The following DOCK3 variants were observed in gnomAD, a reference collection of about 807,000 sequenced individuals.
The protein encoded by DOCK3 is dedicator of cytokinesis 3.
Under a neutral mutation model 265.6 loss-of-function variants are expected in DOCK3, and 60 were observed. That is an observed-to-expected ratio of 0.23 (90% CI 0.18 to 0.28). DOCK3 has a LOEUF of 0.28. Ranked by LOEUF, DOCK3 falls within the 10% of genes least tolerant of loss-of-function variation. The pLI is 1.00. For missense variants in DOCK3, 1,981 were observed against 2,594.3 expected (o/e 0.76, Z 5.14); for synonymous variants, 881 against 938.0 (o/e 0.94, Z 1.11).
At chr3:51,028,776 CT>C (rs1235416241) in intron 5 of DOCK3, among the ~76,000 whole-genome samples, 1 of 151,958 alleles carries the variant, frequency 6.6e-6, no homozygotes, top group African/African-American at 2.4e-5. Flanking sequence ...CTGTTTGGTT[CT>C]TTTTTTAATA....
chr3:51,329,238 G>A (rs2084357832), intron 32 of DOCK3, among the ~76,000 whole-genome samples: 1 of 152,266 alleles, frequency 6.6e-6, no homozygotes, highest in African/African-American at 2.4e-5. Context: ...TGAATCCAGT[G>A]AGACCTATTA....
rs767210230 is a variant in DOCK3, at chr3:51,341,293, C to T, written c.3823C>T (p.Leu1275=). 8 of 1,611,820 alleles carry T rather than the reference C, an allele frequency of 5.0e-6. No individual in the cohort carries two copies. The highest frequency in any genetic ancestry group is 5.9e-6 in the Non-Finnish European group (7 of 1,178,740). Residue 1275 remains leucine (L), a synonymous_variant, in exon 38 of 53, where the codon CTA becomes TTA. Transcript: ENST00000266037. The part of the protein sequence containing the change: ...CELLQWEDRP[L]REFLHYPSQT... ...GCTGCTGCAGTGGGAGGACCGGCCACTACGGGAATTCCTCCACTACCCATC... is the reference window on the plus strand; with the variant it reads ...GCTGCTGCAGTGGGAGGACCGGCCATTACGGGAATTCCTCCACTACCCATC...
At chr3:51,087,300 A>T (rs567374428) in intron 7 of DOCK3, among the ~76,000 whole-genome samples, 4 of 152,232 alleles carry the variant, frequency 2.6e-5, no homozygotes, top group Non-Finnish European at 5.9e-5. Context: ...ATCAAATGGA[A>T]TTTATCCCAG....
intron 21 of DOCK3, among the ~76,000 whole-genome samples, chr3:51,240,910 G>A (rs1021090659): frequency 3.9e-5 from 6 of 152,030 alleles, no homozygotes; most frequent in African/African-American, 1.4e-4. Context: ...CTTTTAATTG[G>A]GAAATTTTAT....
chr3:50,861,179 C>T (rs573647779), intron 3 of DOCK3, among the ~76,000 whole-genome samples: 235 of 152,054 alleles, frequency 1.5e-3, no homozygotes, highest in Admixed American at 4.1e-3. Flanking sequence ...CCAGGTGGGT[C>T]GTTGTCCTGT....
At chr3:51,174,548 T>G (rs1410163094) in intron 12 of DOCK3, among the ~76,000 whole-genome samples, 3 of 152,190 alleles carry the variant, frequency 2.0e-5, no homozygotes, top group Admixed American at 2.0e-4. Flanking sequence ...TTTAGTTATC[T>G]ATCTGTTCTC....
At chr3:51,348,701 C>T in intron 38 of DOCK3, 151 bp from the exon 39 acceptor site, 1 of 714,302 alleles carries the variant, frequency 1.4e-6, no homozygotes, top group Non-Finnish European at 2.4e-6. Flanking sequence ...GTGTCATGCC[C>T]CCCAAATTGG....
rs1205833394 is a variant in DOCK3, at chr3:51,249,197, G to C, written c.2184+2390G>C. Among the ~76,000 whole-genome samples, 4 of 134,130 alleles carry C rather than the reference G, an allele frequency of 3.0e-5. No homozygotes were observed. The East Asian group carries it at 9.8e-4, about 33-fold the overall frequency. The allele number at this position is 134,130 out of a possible 152,430, so 88.0% of individuals were successfully genotyped here. ...GGCCAGCTGCCCCATCCGGCAGGGA[G>C]GTGGGGGGGTCAGCCCCCCGCCCGG... On this transcript the variant is annotated intron_variant, in intron 22 of 52. Coordinates refer to ENST00000266037, the MANE Select transcript of DOCK3 (RefSeq NM_004947.5).
Position 50,966,830 on chromosome 3 carries a change from C to A in DOCK3, c.315+32753C>A, listed in dbSNP as rs528161851. 7.2e-5 allele frequency among the ~76,000 whole-genome samples: 11 copies of A among 152,014 alleles called. No homozygotes were observed. In the South Asian group the frequency reaches 2.3e-3, roughly 32 times the overall value. On this transcript the variant is annotated intron_variant, in intron 5 of 52. Coordinates refer to ENST00000266037, the MANE Select transcript of DOCK3 (RefSeq NM_004947.5). ...ACTTGCCTGAAGGAAAGGGTACAAG[C>A]CCAGGTTGGAAACAACACAACAAAA...
At chr3:51,291,463 A>G (rs2081768458) in intron 27 of DOCK3, among the ~76,000 whole-genome samples, 2 of 152,214 alleles carry the variant, frequency 1.3e-5, no homozygotes, top group Admixed American at 6.5e-5. Flanking sequence ...AGAGACTGCT[A>G]CAAATAATTA....
rs574684950 is a variant in DOCK3 at position 50,926,644 on chromosome 3, G to A, written c.219-7337G>A. Among the ~76,000 whole-genome samples the A allele has an allele frequency of 3.9e-5, 6 of 152,314 alleles. No individual in the cohort carries two copies. The East Asian group carries it at 1.2e-3, about 29-fold the overall frequency. Reference sequence around the variant, plus strand: ...GGAATTAGCATGGGTGCCCACTATAGCAAGATGGTGAGAGTTGTTGAGAGT... The same window carrying A: ...GGAATTAGCATGGGTGCCCACTATAACAAGATGGTGAGAGTTGTTGAGAGT... On this transcript the variant is annotated intron_variant, in intron 4 of 52. Coordinates refer to ENST00000266037, the MANE Select transcript of DOCK3 (RefSeq NM_004947.5).
intron 5 of DOCK3, among the ~76,000 whole-genome samples, chr3:51,044,788 A>G (rs1157500744): frequency 2.0e-5 from 3 of 152,066 alleles, no homozygotes; most frequent in Admixed American, 1.3e-4. Context: ...TGGAGATACC[A>G]TCTTTCTTTA....
chr3:51,119,272 T>C (rs2083905046), intron 9 of DOCK3, among the ~76,000 whole-genome samples: 1 of 152,072 alleles, frequency 6.6e-6, no homozygotes, highest in Non-Finnish European at 1.5e-5. Flanking sequence ...TTCTTCTCTT[T>C]AAGAATGTTG....
chr3:51,356,824 GA>G, intron 43 of DOCK3, 137 bp from the exon 44 acceptor site: 1 of 1,022,116 alleles, frequency 9.8e-7, no homozygotes, highest in Non-Finnish European at 1.4e-6. Context: ...AACAGAAGTG[GA>G]AAGGGTCCAG....
intron 3 of DOCK3, among the ~76,000 whole-genome samples, chr3:50,850,766 G>A (rs1318409316): frequency 6.6e-6 from 1 of 152,102 alleles, no homozygotes; most frequent in Non-Finnish European, 1.5e-5. Flanking sequence ...CTTTGCTTCT[G>A]TAGTCCTATG....
intron 3 of DOCK3, among the ~76,000 whole-genome samples, chr3:50,881,128 C>G (rs2047998146): frequency 6.6e-6 from 1 of 152,128 alleles, no homozygotes; most frequent in Admixed American, 6.5e-5. Context: ...GGATGTATCT[C>G]AAAATAATAA....
intron 6 of DOCK3, among the ~76,000 whole-genome samples, chr3:51,068,560 A>AAAAAAAAAAAAAAAAAGAAG (rs529031027): frequency 1.2e-5 from 1 of 82,418 alleles, no homozygotes; most frequent in Admixed American, 1.8e-4. Flanking sequence ...AAAAAAAAAA[A>AAAAAAAAAAAAAAAAAGAAG]AAGAAGAAGA....
At chr3:50,723,338 G>C (rs2037594619) in intron 1 of DOCK3, among the ~76,000 whole-genome samples, 1 of 152,180 alleles carries the variant, frequency 6.6e-6, no homozygotes, top group African/African-American at 2.4e-5. Context: ...AGTCCTGAAA[G>C]AAGAGTAGAC....
At chr3:51,118,448 G>A (rs1490630931) in intron 9 of DOCK3, among the ~76,000 whole-genome samples, 1 of 152,206 alleles carries the variant, frequency 6.6e-6, no homozygotes, top group African/African-American at 2.4e-5. Context: ...ATTTGGGGTA[G>A]AGAGTTCTGT....
Sources: allele counts gnomAD v4.1 joint callset (sites outside exome capture counted in the v4.1 genomes callset), GRCh38; gene constraint gnomAD v4.1.1; transcripts MANE v1.5; gene names NCBI Gene and HGNC (gene_info 2026-07-23, HGNC 2026-07-21).